The following MFHAS1 variants were observed in gnomAD, a reference collection of about 807,000 sequenced individuals.
The protein encoded by MFHAS1 is malignant fibrous histiocytoma-amplified sequence 1.
Under a neutral mutation model 70.4 loss-of-function variants are expected in MFHAS1, and 50 were observed. That is an observed-to-expected ratio of 0.71 (90% CI 0.57 to 0.90). MFHAS1 has a LOEUF of 0.90. MFHAS1 is among the 40% of genes least tolerant of loss of function. The probability of loss-of-function intolerance (pLI) is 0.00; values close to 1 mark genes in which losing one functional copy is unlikely to be tolerated. For synonymous variants in MFHAS1, 952 were observed against 620.0 expected (o/e 1.54, Z -7.96); for missense variants, 1,795 against 1,347.6 (o/e 1.33, Z -5.20).
chr8:8,853,364 C>A (rs542570844), intron 1 of MFHAS1, among the ~76,000 whole-genome samples: 1 of 150,204 alleles, frequency 6.7e-6, no homozygotes, highest in Non-Finnish European at 1.5e-5. Flanking sequence ...GCAGAGAAAG[C>A]GGAAGGGAAC....
rs966486476 is a variant in MFHAS1, at chr8:8,821,555, G to C, written c.2999-24064C>G. ...ATTAATCACACTTTGATTTATGCCAGAACTTCACATTTTCTTAAAAGGTGG... is the reference window on the plus strand; with the variant it reads ...ATTAATCACACTTTGATTTATGCCACAACTTCACATTTTCTTAAAAGGTGG... On this transcript the variant is annotated intron_variant, in intron 1 of 2. Coordinates refer to ENST00000276282, the MANE Select transcript of MFHAS1 (RefSeq NM_004225.3). 2.6e-5 allele frequency among the ~76,000 whole-genome samples: 4 copies of C among 152,306 alleles called. No homozygotes were observed. In the East Asian group the frequency reaches 5.8e-4, roughly 22 times the overall value.
chr8:8,857,897 T>A (rs762159218), intron 1 of MFHAS1, among the ~76,000 whole-genome samples: 1 of 152,268 alleles, frequency 6.6e-6, no homozygotes, highest in Non-Finnish European at 1.5e-5. Flanking sequence ...ATATGCTGAC[T>A]GCCCACTTGT....
chr8:8,834,601 G>C (rs915378448), intron 1 of MFHAS1, among the ~76,000 whole-genome samples: 1 of 152,160 alleles, frequency 6.6e-6, no homozygotes, highest in African/African-American at 2.4e-5. Context: ...GGAGCAACAG[G>C]CTTGACCATA....
chr8:8,858,823 G>A (rs188249271), intron 1 of MFHAS1, among the ~76,000 whole-genome samples: 1 of 152,058 alleles, frequency 6.6e-6, no homozygotes, highest in Non-Finnish European at 1.5e-5. Context: ...CTACACTCAT[G>A]ATTCAGACCA....
At chr8:8,824,325 C>A (rs556127945) in intron 1 of MFHAS1, among the ~76,000 whole-genome samples, 64 of 152,044 alleles carry the variant, frequency 4.2e-4, no homozygotes, top group Non-Finnish European at 8.1e-4. Flanking sequence ...GACTGCCTCC[C>A]TCCAAGCACA....
At chr8:8,791,814 A>C (rs1427618868) in intron 2 of MFHAS1, among the ~76,000 whole-genome samples, 1 of 152,180 alleles carries the variant, frequency 6.6e-6, no homozygotes, top group Non-Finnish European at 1.5e-5. Flanking sequence ...GTTCTAAAGG[A>C]GGAGCTCTCC....
At chr8:8,810,113 T>A (rs146192182) in intron 1 of MFHAS1, among the ~76,000 whole-genome samples, 106 of 152,322 alleles carry the variant, frequency 7.0e-4, no homozygotes, top group African/African-American at 2.5e-3. Context: ...GCGCCTGTAA[T>A]CCCATCACTT....
intron 1 of MFHAS1, among the ~76,000 whole-genome samples, chr8:8,872,911 C>T (rs997349755): frequency 5.3e-5 from 8 of 152,194 alleles, no homozygotes; most frequent in Admixed American, 1.3e-4. Context: ...AGAACACCTG[C>T]TCCATCCCAG....
At chr8:8,821,513 C>G (rs771737824) in intron 1 of MFHAS1, among the ~76,000 whole-genome samples, 9 of 152,148 alleles carry the variant, frequency 5.9e-5, no homozygotes, top group Non-Finnish European at 1.0e-4. Context: ...TATGAAAATA[C>G]CAGTCAATCA....
At chr8:8,861,493 T>C (rs1197161430) in intron 1 of MFHAS1, among the ~76,000 whole-genome samples, 1 of 152,190 alleles carries the variant, frequency 6.6e-6, no homozygotes, top group African/African-American at 2.4e-5. Context: ...TCACAAGGTA[T>C]ATACCAAATT....
intron 1 of MFHAS1, among the ~76,000 whole-genome samples, chr8:8,860,239 T>C (rs974160816): frequency 2.0e-5 from 3 of 152,174 alleles, no homozygotes; most frequent in Admixed American, 1.3e-4. Flanking sequence ...ACAGCCCTTC[T>C]TGGGTACACT....
At chr8:8,855,223 G>C (rs1386262277) in intron 1 of MFHAS1, among the ~76,000 whole-genome samples, 1 of 152,212 alleles carries the variant, frequency 6.6e-6, no homozygotes, top group Non-Finnish European at 1.5e-5. Flanking sequence ...AAAGTGCTGG[G>C]ATCACAGGCG....
chr8:8,810,090 G>T (rs1213916142), intron 1 of MFHAS1, among the ~76,000 whole-genome samples: 1 of 152,190 alleles, frequency 6.6e-6, no homozygotes, highest in Non-Finnish European at 1.5e-5. Flanking sequence ...AGCCAGGCCG[G>T]GCGCAGTGGC....
intron 1 of MFHAS1, among the ~76,000 whole-genome samples, chr8:8,873,743 T>C (rs1211715501): frequency 6.6e-6 from 1 of 152,198 alleles, no homozygotes; most frequent in African/African-American, 2.4e-5. Flanking sequence ...GATTTTTGTT[T>C]AGAAAACAGA....
intron 1 of MFHAS1, among the ~76,000 whole-genome samples, chr8:8,841,258 T>G (rs1000708214): frequency 6.6e-6 from 1 of 152,144 alleles, no homozygotes; most frequent in Non-Finnish European, 1.5e-5. Flanking sequence ...GCGGATCACC[T>G]GCGGTCATGA....
At chr8:8,822,771 G>A (rs530971882) in intron 1 of MFHAS1, among the ~76,000 whole-genome samples, 1 of 148,622 alleles carries the variant, frequency 6.7e-6, no homozygotes, top group East Asian at 2.0e-4. Flanking sequence ...GACTGAGATG[G>A]TGACAGGGAA....
chr8:8,804,359 C>T (rs572095488), intron 1 of MFHAS1, among the ~76,000 whole-genome samples: 3 of 152,104 alleles, frequency 2.0e-5, no homozygotes, highest in South Asian at 2.1e-4. Context: ...TTCTCAAGTC[C>T]GGTTTTGATA....
intron 1 of MFHAS1, among the ~76,000 whole-genome samples, chr8:8,798,666 T>C (rs1211813948): frequency 2.0e-5 from 3 of 152,096 alleles, no homozygotes; most frequent in African/African-American, 7.2e-5. Context: ...AAATCAAGGA[T>C]GTGAAATGTA....
chr8:8,832,450 C>G (rs1807436718), intron 1 of MFHAS1, among the ~76,000 whole-genome samples: 1 of 147,988 alleles, frequency 6.8e-6, no homozygotes, highest in Non-Finnish European at 1.5e-5. Context: ...CACACACACA[C>G]ACACAGAGCC....
Sources: gnomAD v4.1 joint callset for allele counts (sites outside exome capture counted in the v4.1 genomes callset) on GRCh38, gnomAD v4.1.1 for gene constraint, MANE v1.5 for transcripts, NCBI Gene and HGNC (gene_info 2026-07-23, HGNC 2026-07-21) for gene names.